The following MACROD2 variants were observed in gnomAD, a reference collection of about 807,000 sequenced individuals.
The protein encoded by MACROD2 is mono-ADP ribosylhydrolase 2, also known as ADP-ribose glycohydrolase MACROD2.
A neutral mutation model predicts 70.4 loss-of-function variants in MACROD2; 36 were observed. That is an observed-to-expected ratio of 0.51 (90% CI 0.39 to 0.68). The LOEUF is 0.68. MACROD2 is among the 30% of genes least tolerant of loss of function. The probability of loss-of-function intolerance (pLI) is 0.00; values close to 1 mark genes in which losing one functional copy is unlikely to be tolerated. For synonymous variants in MACROD2, 172 were observed against 178.8 expected, an observed-to-expected ratio of 0.96 and a Z score of 0.30; for missense variants, 496 against 538.4, an observed-to-expected ratio of 0.92 and a Z score of 0.78.
chr20:15,050,722 T>C (rs192512781), intron 5 of MACROD2, among the ~76,000 whole-genome samples: 30 of 151,670 alleles, frequency 2.0e-4, no homozygotes, highest in East Asian at 7.8e-4. Flanking sequence ...AAATGCTTGC[T>C]CTAGAGAGTG....
At chr20:15,766,571 A>G (rs1568548709) in intron 8 of MACROD2, among the ~76,000 whole-genome samples, 3 of 152,156 alleles carry the variant, frequency 2.0e-5, no homozygotes, top group Non-Finnish European at 2.9e-5. Flanking sequence ...AAGTTAAAGT[A>G]TTTAAGAATC....
rs141372355 is a variant in MACROD2, at chr20:14,109,041, A to G, written c.271+23313A>G. ...CACAAAACAAGTCTTAAAACATTCA[A>G]AGAAGTTGAAATAATATCAAGCATC... On this transcript the variant is annotated intron_variant, in intron 3 of 17. Transcript: ENST00000684519. 2.1e-3 allele frequency among the ~76,000 whole-genome samples: 313 copies of G among 152,226 alleles called. 1 individual carries two copies. The highest frequency in any genetic ancestry group is 7.3e-3 in the African/African-American group (303 of 41,570).
At chr20:14,710,050 A>T (rs1252362879) in intron 5 of MACROD2, among the ~76,000 whole-genome samples, 2 of 152,204 alleles carry the variant, frequency 1.3e-5, no homozygotes, top group African/African-American at 4.8e-5. Flanking sequence ...CAGATGAGTG[A>T]TACTGAATCT....
chr20:15,467,619 A>G (rs2046911976), intron 7 of MACROD2, among the ~76,000 whole-genome samples: 1 of 152,184 alleles, frequency 6.6e-6, no homozygotes, highest in South Asian at 2.1e-4. Context: ...ATTGTGAAGA[A>G]AGTGGCCACA....
chr20:14,302,930 G>C (rs1310045301), intron 3 of MACROD2, among the ~76,000 whole-genome samples: 2 of 152,156 alleles, frequency 1.3e-5, no homozygotes, highest in Non-Finnish European at 2.9e-5. Context: ...GGGACTACAG[G>C]TGTGAGCCAC....
intron 4 of MACROD2, among the ~76,000 whole-genome samples, chr20:14,650,241 A>C (rs552056195): frequency 1.3e-5 from 2 of 152,260 alleles, no homozygotes; most frequent in South Asian, 4.1e-4. Flanking sequence ...TCTGGGACTT[A>C]CTAAGGAGTC....
chr20:15,923,407 A>G (rs929713048), intron 10 of MACROD2, among the ~76,000 whole-genome samples: 2 of 152,166 alleles, frequency 1.3e-5, no homozygotes, highest in African/African-American at 2.4e-5. Context: ...ACCGGCCCCC[A>G]TGATTCAATT....
intron 6 of MACROD2, among the ~76,000 whole-genome samples, chr20:15,418,096 C>G (rs763165936): frequency 6.6e-6 from 1 of 152,144 alleles, no homozygotes; most frequent in Non-Finnish European, 1.5e-5. Flanking sequence ...TCTTCTTAAC[C>G]ACTGTGTGAC....
chr20:15,239,416 T>C (rs1375186554), intron 6 of MACROD2, among the ~76,000 whole-genome samples: 1 of 152,142 alleles, frequency 6.6e-6, no homozygotes, highest in Non-Finnish European at 1.5e-5. Flanking sequence ...GGGTTCAAGC[T>C]GCACTTTAGC....
intron 8 of MACROD2, among the ~76,000 whole-genome samples, chr20:15,811,539 C>T (rs1355349703): frequency 6.6e-6 from 1 of 152,168 alleles, no homozygotes; most frequent in African/African-American, 2.4e-5. Context: ...CTAACAACTA[C>T]CCCAAATTAT....
chr20:15,126,024 A>C (rs1223258463), intron 5 of MACROD2, among the ~76,000 whole-genome samples: 1 of 147,252 alleles, frequency 6.8e-6, no homozygotes, highest in East Asian at 1.9e-4. Context: ...ATTCCTTTTT[A>C]TGAGTGAATT....
At chr20:15,988,296 G>A (rs1320710412) in intron 15 of MACROD2, among the ~76,000 whole-genome samples, 2 of 150,626 alleles carry the variant, frequency 1.3e-5, no homozygotes, top group Admixed American at 1.3e-4. Flanking sequence ...ATTGATAACT[G>A]AGAATTGAAA....
intron 5 of MACROD2, among the ~76,000 whole-genome samples, chr20:14,754,834 A>G (rs896463772): frequency 7.0e-6 from 1 of 141,920 alleles, no homozygotes; most frequent in Admixed American, 7.2e-5. Context: ...GGGATAGTGG[A>G]TTTCCATGAA....
chr20:14,667,654 G>A (rs1285491156), intron 4 of MACROD2, among the ~76,000 whole-genome samples: 1 of 152,230 alleles, frequency 6.6e-6, no homozygotes, highest in Middle Eastern at 3.4e-3. Flanking sequence ...AAATGGTTCT[G>A]CTGGGTAAAA....
At position 15,978,582 on chromosome 20, in the gene MACROD2, G is replaced by GTCTT. The variant is rs1555803167; in HGVS notation, c.986-8142_986-8141insTTCT. On this transcript the variant is annotated intron_variant, in intron 13 of 17. Transcript: ENST00000684519. ...AATAAACTTACTCGCCTGACCTTGG[G>GTCTT]TCTCTCTCTCTCTCTCTCTCTCTCT... Among the ~76,000 whole-genome samples, 4 of 146,428 alleles carry GTCTT rather than the reference G, an allele frequency of 2.7e-5. No individual in the cohort carries two copies. The East Asian group carries it at 8.2e-4, about 30-fold the overall frequency.
At chr20:15,125,839 C>A (rs534783121) in intron 5 of MACROD2, among the ~76,000 whole-genome samples, 10 of 151,790 alleles carry the variant, frequency 6.6e-5, no homozygotes, top group Non-Finnish European at 1.3e-4. Context: ...CATTCATATT[C>A]ATTCCTCATT....
At position 15,758,591 on chromosome 20, in the gene MACROD2, G is replaced by A. The variant is rs575272099; in HGVS notation, c.646-104154G>A. ...GTCTTGCTCTGTGCCTCAGGCTGAAGTGCAGTGGCACAATCATAGCTCACT... is the reference window on the plus strand; with the variant it reads ...GTCTTGCTCTGTGCCTCAGGCTGAAATGCAGTGGCACAATCATAGCTCACT... On this transcript the variant is annotated intron_variant, in intron 8 of 17. Transcript: ENST00000684519. Among the ~76,000 whole-genome samples the A allele has an allele frequency of 3.4e-5, 5 of 147,644 alleles. No individual in the cohort carries two copies. In the East Asian group the frequency reaches 8.2e-4, roughly 24 times the overall value.
intron 5 of MACROD2, among the ~76,000 whole-genome samples, chr20:14,844,648 C>CT (rs2073121246): frequency 6.6e-6 from 1 of 152,210 alleles, no homozygotes; most frequent in East Asian, 1.9e-4. Flanking sequence ...AACTCAGATA[C>CT]TTTAAGACAA....
chr20:14,403,760 A>T (rs1225465959), intron 3 of MACROD2, among the ~76,000 whole-genome samples: 1 of 152,140 alleles, frequency 6.6e-6, no homozygotes, highest in Non-Finnish European at 1.5e-5. Flanking sequence ...AGTGTACCCT[A>T]ATTGACTTGG....
Sources: allele counts gnomAD v4.1 joint callset (sites outside exome capture counted in the v4.1 genomes callset), GRCh38; gene constraint gnomAD v4.1.1; transcripts MANE v1.5; gene names NCBI Gene and HGNC (gene_info 2026-07-23, HGNC 2026-07-21).